ZNF862: variants seen among roughly 807,000 people sequenced by gnomAD.
The protein encoded by ZNF862 is zinc finger protein 862.
A neutral mutation model predicts 91.1 loss-of-function variants in ZNF862; 64 were observed. The ratio of observed to expected loss-of-function variants is 0.70; its 90% CI spans 0.57 to 0.87. ZNF862 has a LOEUF of 0.87. ZNF862 is among the 40% of genes least tolerant of loss of function. ZNF862 has a pLI of 0.00. For missense variants in ZNF862, 1,459 were observed against 1,528.0 expected, an observed-to-expected ratio of 0.95 and a Z score of 0.75; for synonymous variants, 631 against 618.1, an observed-to-expected ratio of 1.02 and a Z score of -0.31.
Position 149,860,747 on chromosome 7 carries a change from C to G in ZNF862, c.1587C>G (p.Val529=). 6.2e-7 allele frequency: 1 copy of G among 1,613,916 alleles called. No homozygotes were observed. The highest frequency in any genetic ancestry group is 8.5e-7 in the Non-Finnish European group (1 of 1,179,892). The change falls in exon 7 of 8, where the codon GTC becomes GTG. Residue 529 remains valine, a synonymous_variant. Coordinates refer to ENST00000223210, the MANE Select transcript of ZNF862 (RefSeq NM_001099220.3). ...HEVSKAHRLC[V]NTVEIKEDTP... ...TCAGCAAAGCGCACAGGCTCTGTGT[C>G]AACACGGTTGAAATCAAGGAAGACA...
intron 5 of ZNF862, among the ~76,000 whole-genome samples, chr7:149,856,737 C>A (rs1461154658): frequency 1.3e-5 from 2 of 152,204 alleles, no homozygotes; most frequent in African/African-American, 4.8e-5. Flanking sequence ...GTGCCTTTGT[C>A]TCTCCCCCAT....
intron 1 of ZNF862, among the ~76,000 whole-genome samples, chr7:149,844,067 T>C (rs1283443838): frequency 1.3e-5 from 2 of 152,256 alleles, no homozygotes; most frequent in South Asian, 2.1e-4. Context: ...TAAATGGGCT[T>C]GTTTAATCTG....
chr7:149,861,346 T>C lies in ZNF862; in HGVS notation c.2186T>C (p.Leu729Pro), dbSNP rs1802488471. 4.3e-6 allele frequency: 7 copies of C among 1,613,006 alleles called. No individual in the cohort carries two copies. The highest frequency in any genetic ancestry group is 5.9e-6 in the Non-Finnish European group (7 of 1,179,908). The stretch of plus-strand genomic sequence containing the variant: ...CCTGTCCACTGCGTGGCCCACCGGC[T>C]GCACCTGGCTGTGGTGGACGCCTGC... ...LLPVHCVAHR[L>P]HLAVVDACGS... Residue 729 changes from leucine to proline, a missense_variant, in exon 7 of 8, where the codon CTG becomes CCG. Leu to Pro is a moderately conservative substitution (Grantham distance 98). Transcript: ENST00000223210. This position sits in a 1 kb window ranked among gnomAD's most constrained non-coding sequence, Gnocchi z 6.7.
chr7:149,841,118 T>G (rs1801687803), intron 1 of ZNF862: 1 of 985,324 alleles, frequency 1.0e-6, no homozygotes, highest in Non-Finnish European at 1.2e-6. Context: ...AATAAAGTAA[T>G]TACAAAACCA....
intron 6 of ZNF862, 73 bp downstream of exon 6, chr7:149,859,599 G>A: frequency 8.0e-7 from 1 of 1,257,630 alleles, no homozygotes; most frequent in Non-Finnish European, 1.1e-6. Flanking sequence ...CAAACAGCAT[G>A]AGCTCAGCTG....
At position 149,860,566 on chromosome 7, in the gene ZNF862, G is replaced by A. The variant is rs760992771; in HGVS notation, c.1406G>A (p.Trp469Ter). The part of the protein sequence containing the change: ...TYRPRSIQRS[W>*]FGQFPWLVID... The stretch of plus-strand genomic sequence containing the variant: ...AGGCCCCGTTCCATTCAGAGGTCAT[G>A]GTTTGGGCAGTTCCCATGGTTAGTA... The change falls in exon 7 of 8, where the codon TGG becomes TAG. Residue 469 changes from tryptophan to a stop codon, truncating the protein, a stop_gained. Transcript: ENST00000223210. LOFTEE classifies it high-confidence loss of function. The A allele has an allele frequency of 3.1e-6, 5 of 1,614,030 alleles. No individual in the cohort carries two copies. The highest frequency in any genetic ancestry group is 2.2e-5 in the South Asian group (2 of 91,086).
Position 149,844,634 on chromosome 7 carries a change from A to G in ZNF862, c.34A>G (p.Thr12Ala), listed in dbSNP as rs1480814605. ...EPRESGKAPV[T>A]FDDITVYLLQ... ...GTCATTTTCCTTTCAGGCTCCTGTGACGTTTGATGACATCACTGTGTACTT... is the reference window on the plus strand; with the variant it reads ...GTCATTTTCCTTTCAGGCTCCTGTGGCGTTTGATGACATCACTGTGTACTT... The change falls in exon 2 of 8, where the codon ACG becomes GCG. Residue 12 changes from threonine to alanine, a missense_variant. Physicochemically the swap from Thr to Ala is moderately conservative, Grantham distance 58. Coordinates refer to ENST00000223210, the MANE Select transcript of ZNF862 (RefSeq NM_001099220.3). The G allele has an allele frequency of 3.1e-6, 5 of 1,598,280 alleles. No individual in the cohort carries two copies. Among genetic ancestry groups the G allele is most frequent in the Non-Finnish European group, 4.3e-6 (5 of 1,171,870 alleles).
Position 149,861,811 on chromosome 7 carries a change from A to C in ZNF862, c.2651A>C (p.His884Pro), listed in dbSNP as rs528098842. ...RAYVALESLR[H>P]QAGPKEEEFN... The stretch of plus-strand genomic sequence containing the variant: ...TACGTGGCACTGGAGAGCCTCCGTC[A>C]CCAGGCAGGGCCCAAAGAGGAAGAA... Residue 884 changes from histidine to proline, a missense_variant, in exon 7 of 8, where the codon CAC becomes CCC. By Grantham distance (77) the His-to-Pro change is moderately conservative. Transcript: ENST00000223210. This position sits in a 1 kb window ranked among gnomAD's most constrained non-coding sequence, Gnocchi z 6.7. 3.1e-6 allele frequency: 5 copies of C among 1,613,658 alleles called. No individual in the cohort carries two copies. Among genetic ancestry groups the C allele is most frequent in the Non-Finnish European group, 4.2e-6 (5 of 1,179,878 alleles).
intron 3 of ZNF862, 94 bp from the exon 4 acceptor site, chr7:149,847,641 T>G: frequency 1.3e-6 from 1 of 755,822 alleles, no homozygotes; most frequent in South Asian, 1.9e-5. Flanking sequence ...GTGCTTTCCG[T>G]CTTTCATATT....
At position 149,850,221 on chromosome 7, in the gene ZNF862, GTGT is replaced by G. The variant is rs1026404247; in HGVS notation, c.1002_1004del (p.Phe335del). ...TGTGGTGTTTGAGGAGCTGCCGGTG[GTGT>G]TCGAGGATGTGGCAGTGTATTTCAC... On this transcript the variant is annotated inframe_deletion, in exon 5 of 8. Coordinates refer to ENST00000223210, the MANE Select transcript of ZNF862 (RefSeq NM_001099220.3). The surrounding 1 kb of genome is among the most constrained non-coding windows in gnomAD (Gnocchi z 4.2). The G allele has an allele frequency of 6.2e-7, 1 of 1,607,368 alleles. No homozygotes were observed. Among genetic ancestry groups the G allele is most frequent in the African/African-American group, 1.3e-5 (1 of 74,782 alleles).
chr7:149,857,812 C>T (rs1440531285), intron 5 of ZNF862, among the ~76,000 whole-genome samples: 1 of 152,154 alleles, frequency 6.6e-6, no homozygotes, highest in African/African-American at 2.4e-5. Flanking sequence ...GAAAACGCTT[C>T]CCGTCTCCTG....
chr7:149,840,836 ACT>A (rs1801679981), intron 1 of ZNF862: 2 of 573,526 alleles, frequency 3.5e-6, no homozygotes, highest in South Asian at 1.5e-4. Flanking sequence ...GTATAAGTAC[ACT>A]CTGTGATGTT....
In ZNF862 at chr7:149,846,206, A is replaced by G. The variant is rs1801866267; in HGVS notation, c.192A>G (p.Pro64=). 1.2e-6 allele frequency: 2 copies of G among 1,613,484 alleles called. No homozygotes were observed. The highest frequency in any genetic ancestry group is 1.7e-6 in the Non-Finnish European group (2 of 1,179,794). Residue 64 remains proline (P), a synonymous_variant, in exon 3 of 8, where the codon CCA becomes CCG. Transcript: ENST00000223210. ...GCAAGTTCGGACGAGGGCCAGAGCCATGGCTTGGCAGCGTCCAGGGCCAGA... is the reference window on the plus strand; with the variant it reads ...GCAAGTTCGGACGAGGGCCAGAGCCGTGGCTTGGCAGCGTCCAGGGCCAGA... ...LFRKFGRGPE[P]WLGSVQGQRS...
intron 5 of ZNF862, 105 bp from the exon 6 acceptor site, chr7:149,859,317 A>G: frequency 9.4e-7 from 1 of 1,064,560 alleles, no homozygotes; most frequent in Non-Finnish European, 1.4e-6. Context: ...TAAGGACAGA[A>G]CCCAGAGACA....
intron 2 of ZNF862, 63 bp from the exon 3 acceptor site, chr7:149,846,088 C>T (rs1033002985): frequency 3.8e-5 from 47 of 1,237,072 alleles, no homozygotes; most frequent in African/African-American, 2.7e-4. Flanking sequence ...TGTTGTGACC[C>T]GGAGCCAGGT....
At chr7:149,839,014 C>G (rs1801616735) in intron 1 of ZNF862, among the ~76,000 whole-genome samples, 1 of 152,214 alleles carries the variant, frequency 6.6e-6, no homozygotes, top group South Asian at 2.1e-4. Flanking sequence ...CAGGGTGGGA[C>G]GCTTGAGGGC....
In ZNF862 at chr7:149,838,525, C is replaced by A. The variant is rs1801596111; in HGVS notation, c.-87C>A. On this transcript the variant is annotated 5_prime_UTR_variant, in exon 1 of 8. Transcript: ENST00000223210. ...CCTGGGTGCCCTCCCCCTCCGGGAG[C>A]CTGGGTCCCCGGGGCGGTCGCGGCG... The A allele has an allele frequency of 1.0e-6, 1 of 966,820 alleles. No homozygotes were observed. Among genetic ancestry groups the A allele is most frequent in the Non-Finnish European group, 1.3e-6 (1 of 745,446 alleles). The allele number at this position is 966,820 out of a possible 1,614,324, so 59.9% of individuals were successfully genotyped here.
chr7:149,861,522 C>T lies in ZNF862; in HGVS notation c.2362C>T (p.Arg788Cys), dbSNP rs922724532. The T allele has an allele frequency of 1.0e-5, 16 of 1,607,482 alleles. No homozygotes were observed. The highest frequency in any genetic ancestry group is 1.3e-5 in the African/African-American group (1 of 74,956). Residue 788 changes from arginine to cysteine, a missense_variant, in exon 7 of 8, where the codon CGC (arginine) becomes TGC (cysteine). By Grantham distance (180) the Arg-to-Cys change is radical. Coordinates refer to ENST00000223210, the MANE Select transcript of ZNF862 (RefSeq NM_001099220.3). The surrounding 1 kb of genome is among the most constrained non-coding windows in gnomAD (Gnocchi z 6.7). ...IIRLKDLNAVRWVASRRRTLH... is the reference protein window; with the variant it reads ...IIRLKDLNAVCWVASRRRTLH... ...CCGCCTGAAGGATCTGAATGCGGTC[C>T]GCTGGGTGGCCAGCAGGAGGCGCAC...
In ZNF862 at chr7:149,847,750, G is replaced by C; in HGVS notation, c.257G>C (p.Gly86Ala). ...LEHHPGKKQMGYMGEMEVQGP... is the reference protein window; with the variant it reads ...LEHHPGKKQMAYMGEMEVQGP... ...TTCTCTAAAGGAAAAAAACAGATGG[G>C]CTACATGGGAGAAATGGAGGTGCAA... Residue 86 changes from glycine to alanine, a missense_variant, in exon 4 of 8, where the codon GGC (glycine) becomes GCC (alanine). By Grantham distance (60) the Gly-to-Ala change is moderately conservative. Transcript: ENST00000223210. 1 of 1,612,414 alleles carries C rather than the reference G, an allele frequency of 6.2e-7. No individual in the cohort carries two copies. The highest frequency in any genetic ancestry group is 8.5e-7 in the Non-Finnish European group (1 of 1,179,264).
Sources: allele counts gnomAD v4.1 joint callset (sites outside exome capture counted in the v4.1 genomes callset), GRCh38; gene constraint gnomAD v4.1.1; non-coding constraint Gnocchi (gnomAD v3.1); transcripts MANE v1.5; gene names NCBI Gene and HGNC (gene_info 2026-07-23, HGNC 2026-07-21).